Variants in ARL10 observed in about 807,000 individuals in gnomAD.
ARL10 encodes ADP-ribosylation factor-like protein 10.
In ARL10, 23 loss-of-function variants were observed where a neutral mutation model predicts 26.1. That is an observed-to-expected ratio of 0.88 (90% CI 0.63 to 1.25). The LOEUF (loss-of-function observed/expected upper bound fraction) is 1.25, where lower values mean the gene tolerates loss of function less well. ARL10 is among the 50% of genes most tolerant of loss of function. ARL10 has a pLI of 0.00. For missense variants in ARL10, 300 were observed against 323.6 expected (o/e 0.93, Z 0.56); for synonymous variants, 138 against 149.1 (o/e 0.93, Z 0.54).
chr5:176,365,701 G>C lies in ARL10; in HGVS notation c.138G>C (p.Trp46Cys). ...RERRWDRGEAWWGAEAARLPE... is the reference protein window; with the variant it reads ...RERRWDRGEACWGAEAARLPE... ...GGCGCTGGGACCGGGGAGAGGCCTGGTGGGGCGCGGAGGCTGCCCGCCTCC... is the reference window on the plus strand; with the variant it reads ...GGCGCTGGGACCGGGGAGAGGCCTGCTGGGGCGCGGAGGCTGCCCGCCTCC... The change falls in exon 1 of 4, where the codon TGG (tryptophan) becomes TGC (cysteine). Residue 46 changes from tryptophan (W) to cysteine (C), a missense_variant. Trp to Cys is a radical substitution (Grantham distance 215). Transcript: ENST00000310389. 8.1e-7 allele frequency: 1 copy of C among 1,240,942 alleles called. No individual in the cohort carries two copies. The highest frequency in any genetic ancestry group is 1.5e-5 in the African/African-American group (1 of 64,552). The allele number at this position is 1,240,942 out of a possible 1,614,324, so 76.9% of individuals were successfully genotyped here. A position where few individuals can be genotyped will look rare whatever the true frequency, so the allele number is the denominator to read the frequency against.
At chr5:176,386,861 G>A (rs752090377), downstream of ARL10, 11 of 1,613,902 alleles carry the variant, frequency 6.8e-6, no homozygotes, top group East Asian at 2.2e-5. Context: ...TAGGGCTTCC[G>A]TACAAGCTCT....
chr5:176,386,931 A>G, intron 1 of ARL10: 1 of 1,609,180 alleles, frequency 6.2e-7, no homozygotes, highest in Non-Finnish European at 8.5e-7. Context: ...AGAGCCCTTG[A>G]GACCAGAAGG....
chr5:176,409,148 G>A, the ARL10 span, among the ~76,000 whole-genome samples: 5 of 151,840 alleles, frequency 3.3e-5, no homozygotes, highest in Admixed American at 3.3e-4. Context: ...AGCTAATTTT[G>A]TATTTTTAGT....
chr5:176,369,792 C>CA (rs1490381790), intron 3 of ARL10, among the ~76,000 whole-genome samples: 5 of 151,202 alleles, frequency 3.3e-5, no homozygotes, highest in East Asian at 1.9e-4. Context: ...TCCGTCTCTA[C>CA]AAAAAAAATG....
At chr5:176,369,857 G>T (rs1768478929) in intron 3 of ARL10, among the ~76,000 whole-genome samples, 2 of 151,912 alleles carry the variant, frequency 1.3e-5, no homozygotes, top group South Asian at 4.2e-4. Context: ...TACTTTAGAG[G>T]CTGAGGCAGA....
rs1422198271 is a variant in ARL10 at position 176,377,070 on chromosome 5, T to C, written c.*5175T>C. The C allele has an allele frequency of 6.6e-6, 1 of 152,192 alleles. No individual in the cohort carries two copies. Among genetic ancestry groups the C allele is most frequent in the Non-Finnish European group, 1.5e-5 (1 of 68,026 alleles). The allele number at this position is 152,192 out of a possible 1,614,324, so 9.4% of individuals were successfully genotyped here. A position where few individuals can be genotyped will look rare whatever the true frequency, so the allele number is the denominator to read the frequency against. On this transcript the variant is annotated 3_prime_UTR_variant, in exon 4 of 4. Transcript: ENST00000310389. The surrounding 1 kb of genome is among the most constrained non-coding windows in gnomAD (Gnocchi z 4.5). ...AGAGTAGGAACTACGTGAAGTTCTG[T>C]TAGGAGCACAGGCTTTCTAGTAACT...
At chr5:176,397,489 C>CT (rs1756590928) in intron 1 of ARL10, 1 of 645,162 alleles carries the variant, frequency 1.5e-6, no homozygotes, top group Non-Finnish European at 2.6e-6. Flanking sequence ...CCCACAGCTC[C>CT]CTCATGTCCC....
chr5:176,367,817 T>C (rs1441251462), intron 2 of ARL10: 4 of 498,078 alleles, frequency 8.0e-6, no homozygotes, highest in African/African-American at 7.9e-5. Flanking sequence ...CTCAGCCACT[T>C]TCCCTTTTTT....
At chr5:176,389,210 C>T, downstream of ARL10, 1 of 1,265,394 alleles carries the variant, frequency 7.9e-7, no homozygotes, top group Admixed American at 2.1e-5. Flanking sequence ...CTCGACCTAC[C>T]CTCGCCGCCC....
In ARL10 at chr5:176,381,218, A is replaced by C. The variant is rs1236434613; in HGVS notation, c.*9323A>C. On this transcript the variant is annotated 3_prime_UTR_variant, in exon 4 of 4. Transcript: ENST00000310389. Reference sequence around the variant, plus strand: ...TCCAATCCAGGACCCAGTCCAGTAAAAATTGCTCAGATAAACTTGGAGAGC... The same window carrying C: ...TCCAATCCAGGACCCAGTCCAGTAACAATTGCTCAGATAAACTTGGAGAGC... The C allele has an allele frequency of 2.0e-5, 3 of 152,230 alleles. No homozygotes were observed. Among genetic ancestry groups the C allele is most frequent in the Admixed American group, 2.0e-4 (3 of 15,284 alleles). The allele number at this position is 152,230 out of a possible 1,614,324, so 9.4% of individuals were successfully genotyped here.
chr5:176,402,691 C>G (rs1288882764), downstream of ARL10, among the ~76,000 whole-genome samples: 1 of 152,192 alleles, frequency 6.6e-6, no homozygotes, highest in East Asian at 1.9e-4. Context: ...CATAGATGTT[C>G]AGGCTTGGGG....
chr5:176,400,004 C>T (rs1000027940), intron 1 of ARL10, among the ~76,000 whole-genome samples: 1 of 151,984 alleles, frequency 6.6e-6, no homozygotes, highest in Non-Finnish European at 1.5e-5. Flanking sequence ...CCAGCCTGAC[C>T]AACATGGTGA....
downstream of ARL10, chr5:176,389,377 C>A: frequency 6.2e-7 from 1 of 1,614,120 alleles, no homozygotes; most frequent in Non-Finnish European, 8.5e-7. Context: ...TCTACTCCTT[C>A]CACCGGGGCA....
At position 176,373,124 on chromosome 5, in the gene ARL10, G is replaced by A. The variant is rs1161110359; in HGVS notation, c.*1229G>A. 2.5e-6 allele frequency: 1 copy of A among 398,320 alleles called. No individual in the cohort carries two copies. The highest frequency in any genetic ancestry group is 2.1e-5 in the African/African-American group (1 of 48,622). The allele number at this position is 398,320 out of a possible 1,614,324, so 24.7% of individuals were successfully genotyped here. ...CTCTGGGAGAGGATTTCCCTTATGT[G>A]AATCTAGGTAAAAAGATGGAAAAAA... is the stretch of plus-strand genomic sequence containing the variant. On this transcript the variant is annotated 3_prime_UTR_variant, in exon 4 of 4. Coordinates refer to ENST00000310389, the MANE Select transcript of ARL10 (RefSeq NM_173664.6).
At position 176,372,770 on chromosome 5, in the gene ARL10, T is replaced by A. The variant is rs532833717; in HGVS notation, c.*875T>A. The A allele has an allele frequency of 2.5e-6, 1 of 397,536 alleles. No homozygotes were observed. The highest frequency in any genetic ancestry group is 1.4e-4 in the South Asian group (1 of 7,028). The allele number at this position is 397,536 out of a possible 1,614,324, so 24.6% of individuals were successfully genotyped here. A position where few individuals can be genotyped will look rare whatever the true frequency, so the allele number is the denominator to read the frequency against. ...CCCTGGGACGACAGTCAACTGGAGC[T>A]AGGTGTTGACCTCAGAACTGCATTT... is the stretch of plus-strand genomic sequence containing the variant. On this transcript the variant is annotated 3_prime_UTR_variant, in exon 4 of 4. Transcript: ENST00000310389.
At position 176,378,095 on chromosome 5, in the gene ARL10, G is replaced by A. The variant is rs1755440419; in HGVS notation, c.*6200G>A. ...AGCTTTTAACAATAGAAGTTTCAAG[G>A]GCTCAGGAAGGACCAGGGGGCCATC... On this transcript the variant is annotated 3_prime_UTR_variant, in exon 4 of 4. Coordinates refer to ENST00000310389, the MANE Select transcript of ARL10 (RefSeq NM_173664.6). 6.6e-6 allele frequency: 1 copy of A among 152,180 alleles called. No individual in the cohort carries two copies. The highest frequency in any genetic ancestry group is 1.5e-5 in the Non-Finnish European group (1 of 68,030). The allele number at this position is 152,180 out of a possible 1,614,324, so 9.4% of individuals were successfully genotyped here. A position where few individuals can be genotyped will look rare whatever the true frequency, so the allele number is the denominator to read the frequency against.
At chr5:176,384,152 C>A (rs746556349), downstream of ARL10, 3 of 1,613,686 alleles carry the variant, frequency 1.9e-6, no homozygotes, top group African/African-American at 1.3e-5. Context: ...CCACACAGCA[C>A]CTCCTTGCCT....
chr5:176,383,317 T>C (rs2113570772), downstream of ARL10, among the ~76,000 whole-genome samples: 1 of 152,320 alleles, frequency 6.6e-6, no homozygotes, highest in East Asian at 1.9e-4. Context: ...GTATGACTAA[T>C]AGTTGGGGAT....
At chr5:176,384,139 G>C (rs779612099), downstream of ARL10, 16 of 1,612,730 alleles carry the variant, frequency 9.9e-6, no homozygotes, top group Non-Finnish European at 1.1e-5. Context: ...AGCTCCTCTG[G>C]AGCCACACAG....
Sources: gnomAD v4.1 joint callset for allele counts (sites outside exome capture counted in the v4.1 genomes callset) on GRCh38, gnomAD v4.1.1 for gene constraint, Gnocchi (gnomAD v3.1) non-coding constraint, MANE v1.5 for transcripts, NCBI Gene and HGNC (gene_info 2026-07-23, HGNC 2026-07-21) for gene names.